PCDHGB6: variants seen among roughly 807,000 people sequenced by gnomAD.
PCDHGB6 encodes the protein protocadherin gamma-B6.
Under a neutral mutation model 59.1 loss-of-function variants are expected in PCDHGB6, and 51 were observed. That is an observed-to-expected ratio of 0.86 (90% CI 0.69 to 1.09). PCDHGB6 has a LOEUF of 1.09. PCDHGB6 is among the 50% of genes least tolerant of loss of function. PCDHGB6 has a pLI of 0.00. For synonymous variants in PCDHGB6, 466 were observed against 495.1 expected (o/e 0.94, Z 0.78); for missense variants, 1,148 against 1,205.1 (o/e 0.95, Z 0.70).
chr5:141,410,311 C>T lies in PCDHGB6; in HGVS notation c.2109C>T (p.Phe703=), dbSNP rs867067555. Residue 703 remains phenylalanine, a synonymous_variant, in exon 1 of 4, where the codon TTC becomes TTT. Coordinates refer to ENST00000520790, the MANE Select transcript of PCDHGB6 (RefSeq NM_018926.3). The part of the protein sequence containing the change: ...VVALALISVL[F]LLAVILAIAL... ...CCTTGGCCTTAATCTCAGTGCTCTT[C>T]CTCCTCGCCGTGATTCTGGCCATTG... 4 of 1,613,936 alleles carry T rather than the reference C, an allele frequency of 2.5e-6. No homozygotes were observed. In the African/African-American group the frequency reaches 5.3e-5, roughly 22 times the overall value.
chr5:141,491,227 C>T lies in PCDHGB6; in HGVS notation c.2419-3580C>T. 6.2e-7 allele frequency: 1 copy of T among 1,614,216 alleles called. No homozygotes were observed. The highest frequency in any genetic ancestry group is 8.5e-7 in the Non-Finnish European group (1 of 1,180,018). On this transcript the variant is annotated intron_variant, in intron 1 of 3. Coordinates refer to ENST00000520790, the MANE Select transcript of PCDHGB6 (RefSeq NM_018926.3). The surrounding 1 kb of genome is among the most constrained non-coding windows in gnomAD (Gnocchi z 6.9). Reference sequence around the variant, plus strand: ...TTCACTCTCCTCCACAGCCACAGTGCTGCTGGTTCTGGAGGATGAGGACCC... The same window carrying T: ...TTCACTCTCCTCCACAGCCACAGTGTTGCTGGTTCTGGAGGATGAGGACCC...
rs1360124362 is a variant in PCDHGB6 at position 141,489,688 on chromosome 5, G to A, written c.2419-5119G>A. On this transcript the variant is annotated intron_variant, in intron 1 of 3. Coordinates refer to ENST00000520790, the MANE Select transcript of PCDHGB6 (RefSeq NM_018926.3). This position sits in a 1 kb window ranked among gnomAD's most constrained non-coding sequence, Gnocchi z 4.5. The stretch of plus-strand genomic sequence containing the variant: ...CATCTCAGAATCAGCAGCATCTGGG[G>A]CACGATTCCCACTGGACAGTGCCCA... 6.2e-7 allele frequency: 1 copy of A among 1,614,150 alleles called. No homozygotes were observed. Among genetic ancestry groups the A allele is most frequent in the Non-Finnish European group, 8.5e-7 (1 of 1,180,012 alleles).
chr5:141,409,756 C>T lies in PCDHGB6; in HGVS notation c.1554C>T (p.Arg518=). 6.2e-7 allele frequency: 1 copy of T among 1,612,994 alleles called. No individual in the cohort carries two copies. The highest frequency in any genetic ancestry group is 8.5e-7 in the Non-Finnish European group (1 of 1,179,842). ...AGAGCGGGGTGGTGTTCGCGCAGCG[C>T]GCCTTTGATCACGAGCAGCTGCGCG... ...SAQSGVVFAQ[R]AFDHEQLRAF... Residue 518 remains arginine, a synonymous_variant, in exon 1 of 4, where the codon CGC becomes CGT. Transcript: ENST00000520790.
chr5:141,488,980 C>A, intron 1 of PCDHGB6: 1 of 392,340 alleles, frequency 2.5e-6, no homozygotes, highest in Non-Finnish European at 4.5e-6. Flanking sequence ...CAATCAGACT[C>A]AGAGCTGAGG....
In PCDHGB6 at chr5:141,485,472, C is replaced by T. The variant is rs1185020546; in HGVS notation, c.2419-9335C>T. On this transcript the variant is annotated intron_variant, in intron 1 of 3. Transcript: ENST00000520790. This position sits in a 1 kb window ranked among gnomAD's most constrained non-coding sequence, Gnocchi z 5.7. The stretch of plus-strand genomic sequence containing the variant: ...CGAGAGGCACTGTGTGGGCTCAGTG[C>T]CAGCTGCATCGTGCCCCTGGAGTTT... The T allele has an allele frequency of 3.1e-6, 5 of 1,614,138 alleles. No individual in the cohort carries two copies. In the South Asian group the frequency reaches 5.5e-5, roughly 18 times the overall value.
At chr5:141,459,703 T>G (rs2098973426) in intron 1 of PCDHGB6, among the ~76,000 whole-genome samples, 1 of 152,226 alleles carries the variant, frequency 6.6e-6, no homozygotes, top group African/African-American at 2.4e-5. Context: ...CTTGCTACAT[T>G]TTCTCACCAA....
rs11410533 is a variant in PCDHGB6, at chr5:141,429,387, TAAAA to T, written c.2418+18772_2418+18775del. Among the ~76,000 whole-genome samples, 383 of 151,446 alleles carry T rather than the reference TAAAA, an allele frequency of 2.5e-3. 1 individual carries two copies. The highest frequency in any genetic ancestry group is 4.2e-3 in the South Asian group (20 of 4,786). ...AAATGGAGAAAATGTGTTTTTTTTT[TAAAA>T]AAAATTGAGATTAAGGTCTCATTAT... On this transcript the variant is annotated intron_variant, in intron 1 of 3. Transcript: ENST00000520790.
intron 1 of PCDHGB6, chr5:141,415,563 T>G: frequency 1.2e-6 from 2 of 1,614,168 alleles, no homozygotes; most frequent in Non-Finnish European, 1.7e-6. Flanking sequence ...ATCCTTTGTC[T>G]TTGTTAGATG....
rs530404769 is a variant in PCDHGB6, at chr5:141,423,267, G to C, written c.2418+12647G>C. On this transcript the variant is annotated intron_variant, in intron 1 of 3. Coordinates refer to ENST00000520790, the MANE Select transcript of PCDHGB6 (RefSeq NM_018926.3). ...TCCTGGCGGACCTCGGCAGCCTCGA[G>C]TCTCTGGCTAACTCTGAAACCTCAG... The C allele has an allele frequency of 2.5e-6, 4 of 1,613,710 alleles. No individual in the cohort carries two copies. In the South Asian group the frequency reaches 4.4e-5, roughly 18 times the overall value.
In PCDHGB6 at chr5:141,502,866, C is replaced by CT. The variant is rs549047197; in HGVS notation, c.2478-2513dup. ...GAGCTGCCTAACCCTGACTCTCTGT[C>CT]TTTTTTTTTTTTTTGACAGGGAGTC... On this transcript the variant is annotated intron_variant, in intron 2 of 3. Transcript: ENST00000520790. Among the ~76,000 whole-genome samples, 1,216 of 127,988 alleles carry CT rather than the reference C, an allele frequency of 9.5e-3. 34 individuals are homozygous for CT. Among genetic ancestry groups the CT allele is most frequent in the Non-Finnish European group, 0.015 (955 of 62,394 alleles). The allele number at this position is 127,988 out of a possible 152,430, so 84.0% of individuals were successfully genotyped here.
chr5:141,500,184 T>TTTTATTTATTTATTTATTTA (rs58019021), intron 2 of PCDHGB6, among the ~76,000 whole-genome samples: 1 of 135,886 alleles, frequency 7.4e-6, no homozygotes, highest in African/African-American at 2.7e-5. Flanking sequence ...TCATTTTTAT[T>TTTTATTTATTTATTTATTTA]TTTATTTATT....
intron 2 of PCDHGB6, among the ~76,000 whole-genome samples, chr5:141,500,705 T>A (rs1169100560): frequency 6.6e-6 from 1 of 152,220 alleles, no homozygotes; most frequent in Non-Finnish European, 1.5e-5. Context: ...TTGCAGTGTA[T>A]CATGAGAATT....
chr5:141,437,693 C>G (rs1305650032), intron 1 of PCDHGB6, among the ~76,000 whole-genome samples: 1 of 151,638 alleles, frequency 6.6e-6, no homozygotes, highest in African/African-American at 2.4e-5. Context: ...GAGGCTAAAT[C>G]TCAAGAAAGA....
At chr5:141,504,340 G>C (rs1240423982) in intron 2 of PCDHGB6, among the ~76,000 whole-genome samples, 1 of 152,062 alleles carries the variant, frequency 6.6e-6, no homozygotes, top group Non-Finnish European at 1.5e-5. Flanking sequence ...CAAGTGCTAG[G>C]CTTTGTGCTA....
chr5:141,476,556 C>G lies in PCDHGB6; in HGVS notation c.2419-18251C>G. On this transcript the variant is annotated intron_variant, in intron 1 of 3. Transcript: ENST00000520790. This position sits in a 1 kb window ranked among gnomAD's most constrained non-coding sequence, Gnocchi z 7.6. ...GAAATGAAATTGGAGATTAGCGAGG[C>G]CGTGGCTCCGGGGACGCGCTTTCCG... The G allele has an allele frequency of 6.2e-7, 1 of 1,614,234 alleles. No homozygotes were observed. The highest frequency in any genetic ancestry group is 8.5e-7 in the Non-Finnish European group (1 of 1,180,036).
At chr5:141,472,980 C>CAAAAAAAAAAAAAAAAAAA (rs60579131) in intron 1 of PCDHGB6, among the ~76,000 whole-genome samples, 6 of 86,104 alleles carry the variant, frequency 7.0e-5, no homozygotes, top group African/African-American at 1.2e-4. Context: ...GAGTGAAACT[C>CAAAAAAAAAAAAAAAAAAA]AAAAAAAAAA....
rs760878091 is a variant in PCDHGB6 at position 141,476,406 on chromosome 5, T to A, written c.2419-18401T>A. The A allele has an allele frequency of 6.2e-7, 1 of 1,614,054 alleles. No individual in the cohort carries two copies. The highest frequency in any genetic ancestry group is 8.5e-7 in the Non-Finnish European group (1 of 1,180,002). On this transcript the variant is annotated intron_variant, in intron 1 of 3. Transcript: ENST00000520790. The surrounding 1 kb of genome is among the most constrained non-coding windows in gnomAD (Gnocchi z 7.6). Reference sequence around the variant, plus strand: ...AACGACCGTCTGGATCGAGAGGAGCTGTGTGGGACACTGCCCTCTTGCACT... The same window carrying A: ...AACGACCGTCTGGATCGAGAGGAGCAGTGTGGGACACTGCCCTCTTGCACT...
intron 1 of PCDHGB6, among the ~76,000 whole-genome samples, chr5:141,451,365 G>C (rs557753113): frequency 2.0e-5 from 3 of 152,116 alleles, no homozygotes; most frequent in Non-Finnish European, 4.4e-5. Context: ...GGATGGATCC[G>C]CTTCTAATCT....
chr5:141,408,632 G>C lies in PCDHGB6; in HGVS notation c.430G>C (p.Glu144Gln), dbSNP rs2154540395. The C allele has an allele frequency of 1.9e-6, 3 of 1,613,952 alleles. No homozygotes were observed. The highest frequency in any genetic ancestry group is 1.7e-6 in the Non-Finnish European group (2 of 1,179,886). Reference protein sequence around the residue: ...DKKEIHLEIFESASAGTRLSL... With the variant: ...DKKEIHLEIFQSASAGTRLSL... ...AAAGGAAATACATTTAGAAATTTTC[G>C]AATCTGCATCCGCTGGTACACGACT... The change falls in exon 1 of 4, where the codon GAA (glutamate) becomes CAA (glutamine). Residue 144 changes from glutamate to glutamine, a missense_variant. By Grantham distance (29) the Glu-to-Gln change is conservative. Around this residue, in one of 5 missense-constraint regions of PCDHGB6, gnomAD observed 307 missense variants for 323.8 expected, o/e 0.95. Coordinates refer to ENST00000520790, the MANE Select transcript of PCDHGB6 (RefSeq NM_018926.3).
Sources: gnomAD v4.1 joint callset for allele counts (sites outside exome capture counted in the v4.1 genomes callset) on GRCh38, gnomAD v4.1.1 for gene constraint, gnomAD v4.1.1 regional missense constraint, Gnocchi (gnomAD v3.1) non-coding constraint, MANE v1.5 for transcripts, NCBI Gene and HGNC (gene_info 2026-07-23, HGNC 2026-07-21) for gene names.